The following TCF7L2 variants were observed in gnomAD, a reference collection of about 807,000 sequenced individuals.
The protein encoded by TCF7L2 is transcription factor 7-like 2.
A neutral mutation model predicts 77.9 loss-of-function variants in TCF7L2; 23 were observed. That is an observed-to-expected ratio of 0.30 (90% confidence interval 0.21 to 0.42). TCF7L2 has a LOEUF of 0.42. Ranked by LOEUF, TCF7L2 falls within the 10% of genes least tolerant of loss-of-function variation. The probability of loss-of-function intolerance (pLI) is 1.00; values close to 1 mark genes in which losing one functional copy is unlikely to be tolerated. For synonymous variants in TCF7L2, 413 were observed against 340.2 expected (o/e 1.21, Z -2.36); for missense variants, 654 against 793.1 (o/e 0.82, Z 2.11).
At chr10:113,070,266 A>ATTT (rs953072031) in intron 5 of TCF7L2, among the ~76,000 whole-genome samples, 2,125 of 96,360 alleles carry the variant, frequency 0.022, 33 homozygotes, top group East Asian at 0.083. Context: ...AAAAAAAAAA[A>ATTT]ATTTATATAT....
chr10:113,101,573 T>C (rs2061639878), intron 5 of TCF7L2, among the ~76,000 whole-genome samples: 1 of 151,792 alleles, frequency 6.6e-6, no homozygotes. Flanking sequence ...CTGGGCGCGG[T>C]GGCTCACGCC....
chr10:113,141,027 C>T (rs1027700877), intron 5 of TCF7L2, among the ~76,000 whole-genome samples, 157 bp from the exon 6 acceptor site: 2 of 152,172 alleles, frequency 1.3e-5, no homozygotes, highest in Non-Finnish European at 2.9e-5. Flanking sequence ...ATTATTTTCA[C>T]ATGGACTGGG....
chr10:113,006,870 A>G (rs2133487765), intron 4 of TCF7L2, among the ~76,000 whole-genome samples: 1 of 152,300 alleles, frequency 6.6e-6, no homozygotes, highest in East Asian at 1.9e-4. Flanking sequence ...CCCTCCGGCC[A>G]CGCTGGCACT....
At position 112,964,819 on chromosome 10, in the gene TCF7L2, G is replaced by C. The variant is rs538372463; in HGVS notation, c.450+195G>C. ...TGGTGGTGGTGGTGGTGGTGGGGGG[G>C]GGTTGAATCACTGGGGGAGAAGGGG... On this transcript the variant is annotated intron_variant, in intron 4 of 13. Coordinates refer to ENST00000627217, the MANE Select transcript of TCF7L2 (RefSeq NM_001146274.2). Among the ~76,000 whole-genome samples the C allele has an allele frequency of 8.3e-3, 1,144 of 138,654 alleles. 35 individuals are homozygous for C. The highest frequency in any genetic ancestry group is 0.034 in the Middle Eastern group (9 of 268). 91.0% of individuals were successfully genotyped at this position (138,654 alleles called of 152,430 possible).
At chr10:112,951,733 TCCCCTCCCC>T in intron 3 of TCF7L2, 126 bp downstream of exon 3, 1 of 245,320 alleles carries the variant, frequency 4.1e-6, no homozygotes, top group Non-Finnish European at 5.5e-6. Context: ...CCTCCCTCCC[TCCCCTCCCC>T]CGCTCGTGGC....
chr10:113,075,349 T>TGTAAA (rs1160626684), intron 5 of TCF7L2, among the ~76,000 whole-genome samples: 1 of 151,930 alleles, frequency 6.6e-6, no homozygotes, highest in Admixed American at 6.6e-5. Context: ...ATCCGAGCTC[T>TGTAAA]CCTGGAGGCT....
chr10:113,020,039 T>G (rs2048028485), intron 4 of TCF7L2, among the ~76,000 whole-genome samples: 1 of 152,166 alleles, frequency 6.6e-6, no homozygotes, highest in East Asian at 1.9e-4. Flanking sequence ...AGGTGGTGAG[T>G]GGGTGGATGC....
At chr10:113,078,099 C>T (rs1298265724) in intron 5 of TCF7L2, among the ~76,000 whole-genome samples, 1 of 149,848 alleles carries the variant, frequency 6.7e-6, no homozygotes, top group Non-Finnish European at 1.5e-5. Context: ...ATTTTGTTGA[C>T]CCATTCATCA....
intron 5 of TCF7L2, chr10:113,127,084 A>AT (rs1020159592): frequency 1.3e-4 from 33 of 257,322 alleles, no homozygotes; most frequent in East Asian, 7.1e-4. Flanking sequence ...CAGTAGATTT[A>AT]TTTTTTTTAG....
At chr10:113,085,098 C>T (rs1430074248) in intron 5 of TCF7L2, among the ~76,000 whole-genome samples, 1 of 151,856 alleles carries the variant, frequency 6.6e-6, no homozygotes, top group East Asian at 1.9e-4. Flanking sequence ...TTCAGGTTTC[C>T]CTCTGTCACC....
chr10:113,159,109 C>T (rs1032888104), intron 12 of TCF7L2, among the ~76,000 whole-genome samples: 1 of 151,518 alleles, frequency 6.6e-6, no homozygotes, highest in African/African-American at 2.4e-5. Flanking sequence ...TTTTCTCACG[C>T]AAGCATGCAT....
intron 5 of TCF7L2, among the ~76,000 whole-genome samples, chr10:113,130,785 G>A (rs899782680): frequency 6.7e-6 from 1 of 148,684 alleles, no homozygotes; most frequent in African/African-American, 2.5e-5. Flanking sequence ...TTATTTTTGA[G>A]ACGGAGTTTC....
At chr10:113,164,524 T>C (rs983137692) in intron 13 of TCF7L2, among the ~76,000 whole-genome samples, 2 of 150,526 alleles carry the variant, frequency 1.3e-5, no homozygotes, top group Non-Finnish European at 3.0e-5. Flanking sequence ...TGCCCCTCCA[T>C]CCATCCCATC....
At chr10:113,071,883 G>A (rs1216527868) in intron 5 of TCF7L2, among the ~76,000 whole-genome samples, 1 of 152,228 alleles carries the variant, frequency 6.6e-6, no homozygotes, top group Non-Finnish European at 1.5e-5. Context: ...CCAGGTCAGG[G>A]GCTGGCTGGG....
chr10:112,986,411 C>T (rs1306802020), intron 4 of TCF7L2, among the ~76,000 whole-genome samples: 1 of 152,106 alleles, frequency 6.6e-6, no homozygotes. Flanking sequence ...GTAAGCTTTG[C>T]TCTGGGGTAC....
intron 5 of TCF7L2, among the ~76,000 whole-genome samples, chr10:113,092,408 G>A (rs1350838962): frequency 2.0e-5 from 3 of 152,228 alleles, no homozygotes; most frequent in Non-Finnish European, 2.9e-5. Flanking sequence ...TAAAGCGGGA[G>A]CTTGATGAGA....
chr10:113,151,632 G>A lies in TCF7L2; in HGVS notation c.1002-93G>A. 6.9e-7 allele frequency: 1 copy of A among 1,451,056 alleles called. No individual in the cohort carries two copies. Among genetic ancestry groups the A allele is most frequent in the Non-Finnish European group, 9.1e-7 (1 of 1,093,252 alleles). The allele number at this position is 1,451,056 out of a possible 1,614,324, so 89.9% of individuals were successfully genotyped here. ...TTTTAATCCAAAACTGCTAGGCTTG[G>A]GGGTTATGAGACAAGGAGATACGTT... is the stretch of plus-strand genomic sequence containing the variant. On this transcript the variant is annotated intron_variant, in intron 9 of 13. Coordinates refer to ENST00000627217, the MANE Select transcript of TCF7L2 (RefSeq NM_001146274.2). The surrounding 1 kb of genome is among the most constrained non-coding windows in gnomAD (Gnocchi z 5.2).
intron 5 of TCF7L2, among the ~76,000 whole-genome samples, chr10:113,111,431 C>T (rs2063116302): frequency 6.6e-6 from 1 of 152,128 alleles, no homozygotes; most frequent in Admixed American, 6.5e-5. Context: ...GGGAAGGATA[C>T]CAGGAAGAGT....
chr10:113,079,740 C>G (rs1162449476), intron 5 of TCF7L2, among the ~76,000 whole-genome samples: 1 of 152,076 alleles, frequency 6.6e-6, no homozygotes, highest in East Asian at 1.9e-4. Flanking sequence ...TCACTGCAAC[C>G]TCTGCCTCTC....
Sources: gnomAD v4.1 joint callset for allele counts (sites outside exome capture counted in the v4.1 genomes callset) on GRCh38, gnomAD v4.1.1 for gene constraint, Gnocchi (gnomAD v3.1) non-coding constraint, MANE v1.5 for transcripts, NCBI Gene and HGNC (gene_info 2026-07-23, HGNC 2026-07-21) for gene names.